Variants in NDUFV2 observed in about 807,000 individuals in gnomAD.
NDUFV2 encodes NADH dehydrogenase [ubiquinone] flavoprotein 2, mitochondrial.
Under a neutral mutation model 31.6 loss-of-function variants are expected in NDUFV2, and 18 were observed. That is an observed-to-expected ratio of 0.57 (90% CI 0.39 to 0.84). NDUFV2 has a LOEUF of 0.84. NDUFV2 is among the 40% of genes least tolerant of loss of function. The pLI is 0.00. For synonymous variants in NDUFV2, 83 were observed against 99.8 expected, an observed-to-expected ratio of 0.83 and a Z score of 1.01; for missense variants, 314 against 303.6, an observed-to-expected ratio of 1.03 and a Z score of -0.26.
At chr18:9,126,809 C>T (rs913169416) in intron 6 of NDUFV2, 22 bp from the exon 7 acceptor site, 2 of 1,568,402 alleles carry the variant, frequency 1.3e-6, no homozygotes, top group Non-Finnish European at 8.8e-7. Flanking sequence ...TTAAATATGA[C>T]TATTGTTAAT....
chr18:9,104,295 C>G, intron 1 of NDUFV2: 1 of 1,610,234 alleles, frequency 6.2e-7, no homozygotes, highest in Non-Finnish European at 8.5e-7. Flanking sequence ...GCGTGCCATA[C>G]TAAAGAATTT....
At chr18:9,133,142 C>T (rs2078055118) in intron 7 of NDUFV2, among the ~76,000 whole-genome samples, 1 of 152,170 alleles carries the variant, frequency 6.6e-6, no homozygotes, top group Non-Finnish European at 1.5e-5. Flanking sequence ...TGTCACTTTC[C>T]TGGCTCCAAT....
intron 1 of NDUFV2, chr18:9,117,604 C>G (rs1343195900): frequency 4.2e-6 from 2 of 470,788 alleles, no homozygotes; most frequent in East Asian, 7.3e-5. Flanking sequence ...CTGGGTTGTC[C>G]TGGTTCTCCT....
chr18:9,118,006 T>C, intron 2 of NDUFV2, 103 bp downstream of exon 2: 6 of 796,392 alleles, frequency 7.5e-6, no homozygotes, highest in South Asian at 7.1e-5. Context: ...CTTTGATATA[T>C]GATGGTCATC....
rs748188888 is a variant in NDUFV2 at position 9,102,705 on chromosome 18, G to T, written c.-39G>T. On this transcript the variant is annotated 5_prime_UTR_variant, in exon 1 of 8. Transcript: ENST00000318388. ...CGCCCTGGGCGCGCTCGGGATTCTCGCCTGGCGCGGCTGGGGAAGGTGAAC... is the reference window on the plus strand; with the variant it reads ...CGCCCTGGGCGCGCTCGGGATTCTCTCCTGGCGCGGCTGGGGAAGGTGAAC... The T allele has an allele frequency of 1.9e-6, 3 of 1,566,296 alleles. No homozygotes were observed. The highest frequency in any genetic ancestry group is 4.8e-5 in the East Asian group (2 of 41,622).
At chr18:9,113,647 A>C (rs748680098) in intron 1 of NDUFV2, among the ~76,000 whole-genome samples, 8 of 152,230 alleles carry the variant, frequency 5.3e-5, no homozygotes, top group Non-Finnish European at 1.2e-4. Flanking sequence ...GCCCGGTGCC[A>C]CACCCTGGGC....
Position 9,126,909 on chromosome 18 carries a change from T to A in NDUFV2, c.656+2T>A. The A allele has an allele frequency of 6.2e-7, 1 of 1,611,752 alleles. No individual in the cohort carries two copies. Among genetic ancestry groups the A allele is most frequent in the Non-Finnish European group, 8.5e-7 (1 of 1,177,966 alleles). ...CAAAATCCCAAAACCAGGGCCAAGG[T>A]ATGCTTTATTTATATATAGGAAGTT... On this transcript the variant is annotated splice_donor_variant, in intron 7 of 7. Coordinates refer to ENST00000318388, the MANE Select transcript of NDUFV2 (RefSeq NM_021074.5). LOFTEE classifies it high-confidence loss of function.
intron 2 of NDUFV2, among the ~76,000 whole-genome samples, chr18:9,118,192 T>C (rs2144740206): frequency 6.6e-6 from 1 of 152,338 alleles, no homozygotes; most frequent in Non-Finnish European, 1.5e-5. Flanking sequence ...TTCTCAGTCA[T>C]GTTGGCTTAC....
intron 6 of NDUFV2, among the ~76,000 whole-genome samples, chr18:9,125,419 G>A (rs2077980651): frequency 6.6e-6 from 1 of 152,042 alleles, no homozygotes; most frequent in South Asian, 2.1e-4. Flanking sequence ...TATGTATGCA[G>A]CTATACTAAT....
At chr18:9,119,691 A>G in intron 4 of NDUFV2, 101 bp downstream of exon 4, 2 of 1,002,324 alleles carry the variant, frequency 2.0e-6, no homozygotes, top group South Asian at 2.6e-5. Flanking sequence ...GTCAGAATCT[A>G]GGATTTTGGA....
At chr18:9,108,779 C>T (rs1011640784) in intron 1 of NDUFV2, among the ~76,000 whole-genome samples, 4 of 151,052 alleles carry the variant, frequency 2.6e-5, no homozygotes, top group African/African-American at 9.7e-5. Flanking sequence ...CAACCTCTGC[C>T]TCCCGGGTTC....
At chr18:9,104,991 G>A in intron 1 of NDUFV2, 2 of 1,531,794 alleles carry the variant, frequency 1.3e-6, no homozygotes, top group African/African-American at 1.3e-5. Flanking sequence ...TATTTATACT[G>A]TTTGGTAGCC....
chr18:9,122,822 T>A, intron 5 of NDUFV2, 141 bp downstream of exon 5: 1 of 807,942 alleles, frequency 1.2e-6, no homozygotes, highest in Non-Finnish European at 2.0e-6. Context: ...TTACTGTGTT[T>A]CCACATCTTT....
intron 7 of NDUFV2, among the ~76,000 whole-genome samples, chr18:9,131,644 T>A (rs2078040951): frequency 6.6e-6 from 1 of 152,226 alleles, no homozygotes; most frequent in Non-Finnish European, 1.5e-5. Context: ...TAAACTTTTA[T>A]AAAGTAATTT....
intron 1 of NDUFV2, chr18:9,103,051 A>G (rs2077822918): frequency 2.2e-6 from 1 of 456,892 alleles, no homozygotes; most frequent in African/African-American, 2.1e-5. Flanking sequence ...GCTTGGTGAT[A>G]TATATATATA....
chr18:9,127,524 C>T (rs1339726274), intron 7 of NDUFV2, among the ~76,000 whole-genome samples: 2 of 152,112 alleles, frequency 1.3e-5, no homozygotes, highest in Non-Finnish European at 2.9e-5. Flanking sequence ...AGTACAGTGG[C>T]GCAGTGGCAC....
In NDUFV2 at chr18:9,117,844, C is replaced by A; in HGVS notation, c.61C>A (p.His21Asn). The stretch of plus-strand genomic sequence containing the variant: ...TTAAAATTTTAAATTTTAGGGAAGA[C>A]ATGTAAGGAATTTGCATAAGACAGT... ...AAGLTAHWGR[H>N]VRNLHKTVMQ... The change falls in exon 2 of 8, where the codon CAT becomes AAT. Residue 21 changes from histidine (H) to asparagine (N), a missense_variant. By Grantham distance (68) the His-to-Asn change is moderately conservative. Coordinates refer to ENST00000318388, the MANE Select transcript of NDUFV2 (RefSeq NM_021074.5). 1 of 1,590,340 alleles carries A rather than the reference C, an allele frequency of 6.3e-7. No individual in the cohort carries two copies. The highest frequency in any genetic ancestry group is 8.6e-7 in the Non-Finnish European group (1 of 1,159,296).
At chr18:9,119,187 G>A (rs1354710674) in intron 2 of NDUFV2, 139 bp from the exon 3 acceptor site, 3 of 700,640 alleles carry the variant, frequency 4.3e-6, no homozygotes, top group African/African-American at 3.6e-5. Context: ...CATTCTTTTT[G>A]ATGGAAGGAT....
intron 7 of NDUFV2, among the ~76,000 whole-genome samples, chr18:9,130,372 T>A (rs1044035287): frequency 1.1e-4 from 16 of 152,258 alleles, no homozygotes; most frequent in African/African-American, 3.6e-4. Context: ...TGAGATTTTC[T>A]TGACAGTGTT....
Sources: allele counts gnomAD v4.1 joint callset (sites outside exome capture counted in the v4.1 genomes callset), GRCh38; gene constraint gnomAD v4.1.1; transcripts MANE v1.5; gene names NCBI Gene and HGNC (gene_info 2026-07-23, HGNC 2026-07-21).